The following FBXL2 variants were observed in gnomAD, a reference collection of about 807,000 sequenced individuals.
FBXL2 encodes F-box and leucine rich repeat protein 2.
A neutral mutation model predicts 69.2 loss-of-function variants in FBXL2; 38 were observed. The ratio of observed to expected loss-of-function variants is 0.55; its 90% CI spans 0.42 to 0.72. The LOEUF (loss-of-function observed/expected upper bound fraction) is 0.72. FBXL2 is among the 30% of genes least tolerant of loss of function. The probability of loss-of-function intolerance (pLI) is 0.00; values close to 1 mark genes in which losing one functional copy is unlikely to be tolerated. For synonymous variants in FBXL2, 192 were observed against 201.3 expected, an observed-to-expected ratio of 0.95 and a Z score of 0.39; for missense variants, 354 against 520.3, an observed-to-expected ratio of 0.68 and a Z score of 3.11.
In FBXL2 at chr3:33,378,115, T is replaced by C; in HGVS notation, c.862T>C (p.Leu288=). 2 of 1,614,198 alleles carry C rather than the reference T, an allele frequency of 1.2e-6. No individual in the cohort carries two copies. The highest frequency in any genetic ancestry group is 2.7e-5 in the African/African-American group (2 of 75,058). ...TGGACTCTTCCAGAATTGCCACGAA[T>C]TGGAGAAGATGGATCTTGAAGAATG... The part of the protein sequence containing the change: ...FTLLARNCHE[L]EKMDLEECIL... The change falls in exon 12 of 15, where the codon TTG becomes CTG. Residue 288 remains leucine (L), a synonymous_variant. Coordinates refer to ENST00000484457, the MANE Select transcript of FBXL2 (RefSeq NM_012157.5).
chr3:33,402,853 G>A (rs373493970), intron 12 of FBXL2: 3 of 1,609,964 alleles, frequency 1.9e-6, no homozygotes, highest in African/African-American at 1.3e-5. Flanking sequence ...GTGGGCGCTG[G>A]GGAAGGGCTG....
At chr3:33,333,185 A>G (rs1005955586) in intron 2 of FBXL2, among the ~76,000 whole-genome samples, 1 of 152,202 alleles carries the variant, frequency 6.6e-6, no homozygotes, top group African/African-American at 2.4e-5. Flanking sequence ...AACATTCTGA[A>G]TGGATTAAAT....
chr3:33,378,549 G>C, intron 12 of FBXL2, 136 bp from the exon 13 acceptor site: 2 of 791,276 alleles, frequency 2.5e-6, no homozygotes, highest in South Asian at 4.0e-5. Flanking sequence ...GTGAAGAGAG[G>C]AGCTCCCAGC....
intron 2 of FBXL2, among the ~76,000 whole-genome samples, chr3:33,315,787 A>AT (rs1202616213): frequency 6.6e-6 from 1 of 152,008 alleles, no homozygotes; most frequent in African/African-American, 2.4e-5. Flanking sequence ...TTTTGTGGAC[A>AT]TATCTTTCTG....
chr3:33,377,251 CCT>C lies in FBXL2; in HGVS notation c.789-21_789-20del. On this transcript the variant is annotated intron_variant, in intron 10 of 14. Coordinates refer to ENST00000484457, the MANE Select transcript of FBXL2 (RefSeq NM_012157.5). ...TTAACTAGTTGGTACCGTTTTCTCC[CCT>C]GTACCCACTTTCTCCTCAGAATTTT... 6.2e-7 allele frequency: 1 copy of C among 1,611,428 alleles called. No homozygotes were observed. Among genetic ancestry groups the C allele is most frequent in the South Asian group, 1.1e-5 (1 of 91,022 alleles).
intron 1 of FBXL2, among the ~76,000 whole-genome samples, chr3:33,282,532 T>G (rs1200823818): frequency 6.6e-6 from 1 of 152,210 alleles, no homozygotes; most frequent in African/African-American, 2.4e-5. Context: ...CAATGCAGGC[T>G]CTTTTTTGGT....
rs191929776 is a variant in FBXL2 at position 33,337,151 on chromosome 3, G to A, written c.66-21816G>A. 5.9e-3 allele frequency among the ~76,000 whole-genome samples: 903 copies of A among 152,286 alleles called. 12 individuals carry two copies. The highest frequency in any genetic ancestry group is 0.037 in the Middle Eastern group (11 of 294). ...ACCCGGGAGGTGGAGGTTGCAGTGA[G>A]CCGAGATTGCGCCACTGCACTCCAG... On this transcript the variant is annotated intron_variant, in intron 2 of 14. Transcript: ENST00000484457.
At chr3:33,303,140 T>C (rs2036428895) in intron 2 of FBXL2, 1 of 456,706 alleles carries the variant, frequency 2.2e-6, no homozygotes, top group Non-Finnish European at 4.4e-6. Context: ...TGCTGCCTTA[T>C]ATACCAGGGC....
chr3:33,361,678 G>T (rs1266781968), intron 4 of FBXL2, among the ~76,000 whole-genome samples: 1 of 152,188 alleles, frequency 6.6e-6, no homozygotes. Flanking sequence ...GGGGAAGCCA[G>T]TTTATGGTTT....
chr3:33,289,376 A>G (rs2034991718), intron 1 of FBXL2, among the ~76,000 whole-genome samples: 1 of 152,164 alleles, frequency 6.6e-6, no homozygotes, highest in Admixed American at 6.5e-5. Flanking sequence ...TCCTGTTACG[A>G]TGTTGCAAAT....
intron 2 of FBXL2, among the ~76,000 whole-genome samples, chr3:33,354,130 A>C (rs1415651618): frequency 6.6e-6 from 1 of 152,182 alleles, no homozygotes; most frequent in African/African-American, 2.4e-5. Context: ...GTACCACACT[A>C]ATACAACATG....
rs7647067 is a variant in FBXL2 at position 33,364,447 on chromosome 3, A to C, written c.196-178A>C. On this transcript the variant is annotated intron_variant, in intron 4 of 14. Transcript: ENST00000484457. ...TAATGCTTTAATTGGACCATTTTTC[A>C]GTGCTTGCAGCCCCTGTATGCATTA... The C allele has an allele frequency of 7.5e-3, 4,662 of 622,420 alleles. 163 individuals are homozygous for C. In the African/African-American group the frequency reaches 0.075, roughly 10 times the overall value. 38.6% of individuals were successfully genotyped at this position (622,420 alleles called of 1,614,324 possible).
At chr3:33,381,030 T>C (rs749713413) in intron 13 of FBXL2, among the ~76,000 whole-genome samples, 3 of 152,182 alleles carry the variant, frequency 2.0e-5, no homozygotes, top group Non-Finnish European at 4.4e-5. Flanking sequence ...GTTGTTAGTG[T>C]TAATATAGAA....
intron 1 of FBXL2, among the ~76,000 whole-genome samples, chr3:33,288,248 A>C (rs2034854795): frequency 6.6e-6 from 1 of 151,820 alleles, no homozygotes; most frequent in South Asian, 2.1e-4. Flanking sequence ...CTTTCCATTG[A>C]TTTTTTTTGT....
intron 1 of FBXL2, chr3:33,289,756 C>T: frequency 1.0e-6 from 1 of 984,112 alleles, no homozygotes; most frequent in Non-Finnish European, 1.2e-6. Context: ...AGTTCGGATG[C>T]TGGGGCAAGG....
chr3:33,406,641 T>C (rs1304521919), downstream of FBXL2, among the ~76,000 whole-genome samples: 1 of 152,252 alleles, frequency 6.6e-6, no homozygotes, highest in African/African-American at 2.4e-5. Context: ...ATTTTGCTTT[T>C]AGATATTTAG....
Position 33,385,929 on chromosome 3 carries a change from G to A in FBXL2, c.*321G>A. 3.1e-6 allele frequency: 1 copy of A among 319,390 alleles called. No homozygotes were observed. The highest frequency in any genetic ancestry group is 5.8e-6 in the Non-Finnish European group (1 of 171,046). The allele number at this position is 319,390 out of a possible 1,614,324, so 19.8% of individuals were successfully genotyped here. ...GAAAGTTCTACCCTTGGCATACTCA[G>A]CATTCCTCAAAAAGACCATCAGTGT... On this transcript the variant is annotated 3_prime_UTR_variant, in exon 15 of 15. Transcript: ENST00000484457.
chr3:33,408,623 G>C (rs1320574907), downstream of FBXL2: 1 of 1,317,380 alleles, frequency 7.6e-7, no homozygotes. Context: ...TGCGGTGGAA[G>C]TTGGTCCTAT....
chr3:33,399,032 A>C (rs1483137318), intron 12 of FBXL2, among the ~76,000 whole-genome samples: 1 of 152,272 alleles, frequency 6.6e-6, no homozygotes, highest in Non-Finnish European at 1.5e-5. Flanking sequence ...AATACGTGGC[A>C]TAGTAAGAAA....
Sources: allele counts gnomAD v4.1 joint callset (sites outside exome capture counted in the v4.1 genomes callset), GRCh38; gene constraint gnomAD v4.1.1; transcripts MANE v1.5; gene names NCBI Gene and HGNC (gene_info 2026-07-23, HGNC 2026-07-21).